Variants in SMYD2 observed in about 807,000 individuals in gnomAD.
The protein encoded by SMYD2 is N-lysine methyltransferase SMYD2.
A neutral mutation model predicts 59.1 loss-of-function variants in SMYD2; 53 were observed. That is an observed-to-expected ratio of 0.90 (90% CI 0.72 to 1.13). The LOEUF is 1.13. SMYD2 is among the 50% of genes most tolerant of loss of function. The pLI is 0.00. For synonymous variants in SMYD2, 208 were observed against 198.8 expected (o/e 1.05, Z -0.39); for missense variants, 494 against 544.7 (o/e 0.91, Z 0.93).
intron 1 of SMYD2, 108 bp from the exon 2 acceptor site, chr1:214,305,079 A>G (rs1656895140): frequency 1.0e-6 from 1 of 996,256 alleles, no homozygotes; most frequent in Admixed American, 1.8e-5. Flanking sequence ...AGGTAAGGTG[A>G]ACCTTGGCTC....
intron 5 of SMYD2, among the ~76,000 whole-genome samples, chr1:214,319,684 C>G (rs1318518007): frequency 6.6e-6 from 1 of 151,812 alleles, no homozygotes; most frequent in African/African-American, 2.4e-5. Flanking sequence ...ACACAACCTT[C>G]CTGTTATCGT....
chr1:214,330,867 G>T, intron 8 of SMYD2, 83 bp from the exon 9 acceptor site: 1 of 1,597,030 alleles, frequency 6.3e-7, no homozygotes, highest in Non-Finnish European at 8.5e-7. Flanking sequence ...CGCTGTGTGG[G>T]AATGTGTATT....
In SMYD2 at chr1:214,314,884, G is replaced by A. The variant is rs368524799; in HGVS notation, c.348+12G>A. 2,430 of 1,589,880 alleles carry A rather than the reference G, an allele frequency of 1.5e-3. 9 individuals carry two copies. Among genetic ancestry groups the A allele is most frequent in the Non-Finnish European group, 1.8e-3 (2,028 of 1,158,782 alleles). ...TTCTGGCCAAACAGGTGAGGAAATG[G>A]GACAATGTTCAAGTGCATTTTATTT... is the stretch of plus-strand genomic sequence containing the variant. On this transcript the variant is annotated intron_variant, in intron 3 of 11. Coordinates refer to ENST00000366957, the MANE Select transcript of SMYD2 (RefSeq NM_020197.3).
chr1:214,304,558 C>CAAAA (rs56254326), intron 1 of SMYD2, among the ~76,000 whole-genome samples: 11,897 of 47,936 alleles, frequency 0.25, 2,904 homozygotes, highest in East Asian at 0.43. Flanking sequence ...GACCCTATCT[C>CAAAA]AAAAAAAAAA....
intron 1 of SMYD2, among the ~76,000 whole-genome samples, chr1:214,293,205 A>G (rs1419630073): frequency 6.6e-6 from 1 of 152,002 alleles, no homozygotes; most frequent in Admixed American, 6.6e-5. Context: ...GTCGCTTGCC[A>G]CCACGTCTGG....
At chr1:214,302,636 T>C (rs528877258) in intron 1 of SMYD2, among the ~76,000 whole-genome samples, 2 of 152,264 alleles carry the variant, frequency 1.3e-5, no homozygotes, top group Non-Finnish European at 2.9e-5. Context: ...TCTTTATTAT[T>C]TGTGGTTGTG....
rs1657288437 is a variant in SMYD2 at position 214,327,868 on chromosome 1, C to T, written c.705+144C>T. The T allele has an allele frequency of 9.5e-6, 6 of 629,144 alleles. No homozygotes were observed. In the East Asian group the frequency reaches 1.7e-4, roughly 17 times the overall value. The allele number at this position is 629,144 out of a possible 1,614,324, so 39.0% of individuals were successfully genotyped here. A position where few individuals can be genotyped will look rare whatever the true frequency, so the allele number is the denominator to read the frequency against. ...TTAGCTGAGTCTGCCCTCAGGCTCT[C>T]CAGGAGTCAGTGATCAGATTTGTAA... is the stretch of plus-strand genomic sequence containing the variant. On this transcript the variant is annotated intron_variant, in intron 7 of 11. Transcript: ENST00000366957.
chr1:214,297,844 C>T (rs1656758805), intron 1 of SMYD2, among the ~76,000 whole-genome samples: 2 of 152,154 alleles, frequency 1.3e-5, no homozygotes, highest in Non-Finnish European at 2.9e-5. Context: ...GCTCTGAAGG[C>T]AAGCTGGCCC....
At chr1:214,309,964 C>T (rs561978790) in intron 2 of SMYD2, among the ~76,000 whole-genome samples, 1 of 152,310 alleles carries the variant, frequency 6.6e-6, no homozygotes, top group South Asian at 2.1e-4. Flanking sequence ...AGCAGAAATC[C>T]TGTGACATTT....
Position 214,324,711 on chromosome 1 carries a change from A to T in SMYD2, c.602+3A>T. ...TTGGGATCAGCGATATTTCCTGAGTAGGCTGTGTTTGACTTCATTTCTTTC... is the reference window on the plus strand; with the variant it reads ...TTGGGATCAGCGATATTTCCTGAGTTGGCTGTGTTTGACTTCATTTCTTTC... On this transcript the variant is annotated splice_donor_region_variant and intron_variant, in intron 6 of 11. Coordinates refer to ENST00000366957, the MANE Select transcript of SMYD2 (RefSeq NM_020197.3). 1 of 1,610,644 alleles carries T rather than the reference A, an allele frequency of 6.2e-7. No individual in the cohort carries two copies. Among genetic ancestry groups the T allele is most frequent in the Non-Finnish European group, 8.5e-7 (1 of 1,178,472 alleles).
intron 10 of SMYD2, chr1:214,333,084 A>C (rs534719800): frequency 3.9e-5 from 6 of 152,208 alleles, no homozygotes; most frequent in African/African-American, 1.2e-4. Context: ...TCCACCCTCT[A>C]CTTACCCCAC....
At chr1:214,317,574 G>A (rs552657949) in intron 3 of SMYD2, among the ~76,000 whole-genome samples, 1 of 152,338 alleles carries the variant, frequency 6.6e-6, no homozygotes, top group South Asian at 2.1e-4. Flanking sequence ...CTCTTGGGGT[G>A]TCTAGAACAA....
chr1:214,331,925 A>G, intron 9 of SMYD2, 93 bp from the exon 10 acceptor site: 2 of 1,127,000 alleles, frequency 1.8e-6, no homozygotes, highest in African/African-American at 1.6e-5. Context: ...GGTAAGGGTG[A>G]GAGTGGAGTG....
intron 10 of SMYD2, 174 bp downstream of exon 10, chr1:214,332,366 C>T: frequency 2.9e-6 from 2 of 696,884 alleles, no homozygotes; most frequent in Non-Finnish European, 4.7e-6. Flanking sequence ...CAGGCCTGTT[C>T]TCACCATCAT....
intron 1 of SMYD2, among the ~76,000 whole-genome samples, chr1:214,296,749 T>C (rs1396362393): frequency 6.6e-6 from 1 of 150,970 alleles, no homozygotes; most frequent in African/African-American, 2.4e-5. Flanking sequence ...CAAGATCACA[T>C]AGTACATCAA....
intron 1 of SMYD2, among the ~76,000 whole-genome samples, chr1:214,283,167 C>T (rs1254519757): frequency 2.0e-5 from 3 of 152,200 alleles, no homozygotes; most frequent in Non-Finnish European, 4.4e-5. Flanking sequence ...CTTTAAGTCT[C>T]CTAATTGTAT....
At chr1:214,302,786 A>G (rs1321550278) in intron 1 of SMYD2, among the ~76,000 whole-genome samples, 1 of 152,174 alleles carries the variant, frequency 6.6e-6, no homozygotes, top group Middle Eastern at 3.2e-3. Context: ...GGAGACTGCA[A>G]ACAAGTGTTG....
chr1:214,337,028 C>T lies in SMYD2; in HGVS notation c.*244C>T. ...TAATGGCATGGTTTCATATGTTATA[C>T]TTTGGACAGACAGAGTTTTAAAAAT... is the stretch of plus-strand genomic sequence containing the variant. On this transcript the variant is annotated 3_prime_UTR_variant, in exon 12 of 12. Coordinates refer to ENST00000366957, the MANE Select transcript of SMYD2 (RefSeq NM_020197.3). 4 of 391,776 alleles carry T rather than the reference C, an allele frequency of 1.0e-5. No homozygotes were observed. The highest frequency in any genetic ancestry group is 8.9e-6 in the Non-Finnish European group (2 of 223,564). 24.3% of individuals were successfully genotyped at this position (391,776 alleles called of 1,614,324 possible).
chr1:214,305,249 A>G lies in SMYD2; in HGVS notation c.236A>G (p.Gln79Arg). ...KQAFYCNVEC[Q>R]KEDWPMHKLE... ...GCATTTTACTGCAATGTGGAGTGTCAGGTAGGTGCTGGGCCATTGGCAGGG... is the reference window on the plus strand; with the variant it reads ...GCATTTTACTGCAATGTGGAGTGTCGGGTAGGTGCTGGGCCATTGGCAGGG... The change falls in exon 2 of 12, where the codon CAG becomes CGG. Residue 79 changes from glutamine to arginine, a missense_variant and splice_region_variant. Coordinates refer to ENST00000366957, the MANE Select transcript of SMYD2 (RefSeq NM_020197.3). 6.2e-7 allele frequency: 1 copy of G among 1,614,104 alleles called. No individual in the cohort carries two copies. The highest frequency in any genetic ancestry group is 8.5e-7 in the Non-Finnish European group (1 of 1,179,936).
Sources: gnomAD v4.1 joint callset for allele counts (sites outside exome capture counted in the v4.1 genomes callset) on GRCh38, gnomAD v4.1.1 for gene constraint, MANE v1.5 for transcripts, NCBI Gene and HGNC (gene_info 2026-07-23, HGNC 2026-07-21) for gene names.